The following TAMM41 variants were observed in gnomAD, a reference collection of about 807,000 sequenced individuals.
TAMM41 encodes the protein TAM41 mitochondrial translocator assembly and maintenance homolog.
TAMM41 carries 36 observed loss-of-function variants against 44.1 expected under a neutral mutation model. The observed-to-expected ratio is 0.82, with a 90% confidence interval of 0.63 to 1.08. The LOEUF (loss-of-function observed/expected upper bound fraction) is 1.08, where lower values mean the gene tolerates loss of function less well. Among genes scored for constraint, TAMM41 ranks in the 50% least tolerant of loss-of-function variants. The probability of loss-of-function intolerance (pLI) is 0.00; values close to 1 mark genes in which losing one functional copy is unlikely to be tolerated. For synonymous variants in TAMM41, 164 were observed against 153.1 expected (o/e 1.07, Z -0.53); for missense variants, 417 against 404.3 (o/e 1.03, Z -0.27).
the TAMM41 span, among the ~76,000 whole-genome samples, chr3:11,734,148 C>G: frequency 6.6e-6 from 1 of 152,156 alleles, no homozygotes; most frequent in African/African-American, 2.4e-5. Flanking sequence ...AAAGAGAACC[C>G]GGGCCTTTGG....
chr3:11,826,583 C>T (rs1346104438), intron 4 of TAMM41: 2 of 147,288 alleles, frequency 1.4e-5, no homozygotes, highest in East Asian at 4.0e-4. Flanking sequence ...CGTATTATCT[C>T]ATTGATAATT....
chr3:11,759,270 A>G, the TAMM41 span, among the ~76,000 whole-genome samples: 1 of 152,028 alleles, frequency 6.6e-6, no homozygotes, highest in African/African-American at 2.4e-5. Flanking sequence ...ATCGCCATCT[A>G]AGAGCTTAGC....
the TAMM41 span, among the ~76,000 whole-genome samples, chr3:11,726,522 C>G: frequency 1.3e-5 from 2 of 152,202 alleles, no homozygotes; most frequent in Non-Finnish European, 2.9e-5. Flanking sequence ...GTGAACCTGG[C>G]CGGGTGCAGT....
chr3:11,728,084 G>A, the TAMM41 span, among the ~76,000 whole-genome samples: 1 of 151,956 alleles, frequency 6.6e-6, no homozygotes, highest in East Asian at 1.9e-4. Flanking sequence ...ACCGTGCCCA[G>A]CCCCTGGCCT....
At position 11,829,750 on chromosome 3, in the gene TAMM41, C is replaced by G. The variant is rs767485684; in HGVS notation, c.526G>C (p.Asp176His). The part of the protein sequence containing the change: ...LMLPESFSEE[D>H]LFIEIAGLSY... The stretch of plus-strand genomic sequence containing the variant: ...AGACCGGCAATCTCTATGAAGAGGT[C>G]TTCTTCAGAAAAGCTTTCGGGGAGC... Residue 176 changes from aspartate (D) to histidine (H), a missense_variant, in exon 4 of 8, where the codon GAC becomes CAC. Transcript: ENST00000455809. 1 of 1,614,180 alleles carries G rather than the reference C, an allele frequency of 6.2e-7. No homozygotes were observed. Among genetic ancestry groups the G allele is most frequent in the South Asian group, 1.1e-5 (1 of 91,080 alleles).
At chr3:11,756,961 A>G in the TAMM41 span, among the ~76,000 whole-genome samples, 1 of 152,196 alleles carries the variant, frequency 6.6e-6, no homozygotes. Context: ...AGGATACTAT[A>G]TACTAGTAAC....
chr3:11,752,481 C>T, the TAMM41 span, among the ~76,000 whole-genome samples: 17 of 152,086 alleles, frequency 1.1e-4, no homozygotes, highest in Non-Finnish European at 2.2e-4. Flanking sequence ...AGCCACTGAG[C>T]GCTGATTGGT....
At chr3:11,760,319 A>G in the TAMM41 span, among the ~76,000 whole-genome samples, 1 of 152,178 alleles carries the variant, frequency 6.6e-6, no homozygotes, top group Non-Finnish European at 1.5e-5. Context: ...TCCTTAAAGC[A>G]CTAACTCAAC....
chr3:11,728,967 C>T, the TAMM41 span, among the ~76,000 whole-genome samples: 1 of 150,630 alleles, frequency 6.6e-6, no homozygotes, highest in Non-Finnish European at 1.5e-5. Context: ...GAGATCGCGC[C>T]ATTGCACTCC....
At position 11,846,866 on chromosome 3, in the gene TAMM41, C is replaced by A. The variant is rs1432453413; in HGVS notation, c.-230G>T. The A allele has an allele frequency of 5.4e-6, 3 of 551,174 alleles. No individual in the cohort carries two copies. Among genetic ancestry groups the A allele is most frequent in the East Asian group, 3.2e-5 (1 of 31,410 alleles). The allele number at this position is 551,174 out of a possible 1,614,324, so 34.1% of individuals were successfully genotyped here. On this transcript the variant is annotated 5_prime_UTR_variant, in exon 1 of 8. Transcript: ENST00000455809. Reference sequence around the variant, plus strand: ...CAGATAGGCTCGGGTGGGCGGCGGTCGCACAGGCAGAGCTTCCGTCCCTTG... The same window carrying A: ...CAGATAGGCTCGGGTGGGCGGCGGTAGCACAGGCAGAGCTTCCGTCCCTTG...
chr3:11,789,444 T>C (rs138909745), downstream of TAMM41, among the ~76,000 whole-genome samples: 2 of 152,286 alleles, frequency 1.3e-5, no homozygotes, highest in East Asian at 1.9e-4. Context: ...AATAGATTCA[T>C]ATAGCTTGTT....
At chr3:11,778,199 AT>A in the TAMM41 span, among the ~76,000 whole-genome samples, 1 of 151,786 alleles carries the variant, frequency 6.6e-6, no homozygotes, top group Non-Finnish European at 1.5e-5. Flanking sequence ...TGGGAGTAGA[AT>A]TTCTCGGTTA....
chr3:11,728,905 G>A, the TAMM41 span, among the ~76,000 whole-genome samples: 1 of 151,816 alleles, frequency 6.6e-6, no homozygotes, highest in Non-Finnish European at 1.5e-5. Flanking sequence ...CTACTTGAGA[G>A]GCTGAGGCAG....
intron 6 of TAMM41, chr3:11,808,147 C>T (rs910578073): frequency 2.1e-6 from 2 of 953,838 alleles, no homozygotes; most frequent in African/African-American, 3.4e-5. Context: ...TGTGCCTCTT[C>T]CCCTTAAAAC....
At chr3:11,830,610 C>T (rs1334853043) in intron 3 of TAMM41, 4 of 152,158 alleles carry the variant, frequency 2.6e-5, no homozygotes, top group African/African-American at 9.7e-5. Context: ...TGTGGTGGCT[C>T]ACATCTGTAA....
chr3:11,791,335 G>C (rs1044662607), intron 7 of TAMM41, among the ~76,000 whole-genome samples: 1 of 152,182 alleles, frequency 6.6e-6, no homozygotes, highest in East Asian at 1.9e-4. Context: ...ACTTAGTCAG[G>C]AGTGTGTGAT....
chr3:11,785,688 C>T (rs1040636855), downstream of TAMM41, among the ~76,000 whole-genome samples: 39 of 151,888 alleles, frequency 2.6e-4, no homozygotes, highest in African/African-American at 8.9e-4. Flanking sequence ...GATCTCCGCT[C>T]ACTGCAGCCT....
At chr3:11,734,241 A>G in the TAMM41 span, among the ~76,000 whole-genome samples, 10,041 of 152,150 alleles carry the variant, frequency 0.066, 1,112 homozygotes, top group African/African-American at 0.23. Flanking sequence ...TTGGCCTGAG[A>G]AGAGATGAAA....
downstream of TAMM41, among the ~76,000 whole-genome samples, chr3:11,789,205 C>T (rs1323688357): frequency 6.6e-6 from 1 of 152,032 alleles, no homozygotes; most frequent in African/African-American, 2.4e-5. Flanking sequence ...TCAGTAGTGG[C>T]GATGAGATAT....
Sources: gnomAD v4.1 joint callset for allele counts (sites outside exome capture counted in the v4.1 genomes callset) on GRCh38, gnomAD v4.1.1 for gene constraint, MANE v1.5 for transcripts, NCBI Gene and HGNC (gene_info 2026-07-23, HGNC 2026-07-21) for gene names.